MEI1: variants seen among roughly 807,000 people sequenced by gnomAD.
MEI1 encodes meiotic double-stranded break formation protein 1, also known as meiosis inhibitor protein 1.
Under a neutral mutation model 146.2 loss-of-function variants are expected in MEI1, and 103 were observed. The observed-to-expected ratio is 0.70, with a 90% CI of 0.60 to 0.83. The LOEUF (loss-of-function observed/expected upper bound fraction) is 0.83, where lower values mean the gene tolerates loss of function less well. MEI1 is among the 40% of genes least tolerant of loss of function. MEI1 has a pLI of 0.00. For missense variants in MEI1, 1,529 were observed against 1,533.0 expected (o/e 1.00, Z 0.04); for synonymous variants, 652 against 628.2 (o/e 1.04, Z -0.57).
At chr22:41,719,920 T>A (rs990895628) in intron 6 of MEI1, among the ~76,000 whole-genome samples, 3 of 152,192 alleles carry the variant, frequency 2.0e-5, no homozygotes, top group Non-Finnish European at 2.9e-5. Flanking sequence ...TGACAGCAGC[T>A]TCTTTTCAAA....
At chr22:41,750,250 G>A (rs2073657075) in intron 15 of MEI1, among the ~76,000 whole-genome samples, 1 of 152,174 alleles carries the variant, frequency 6.6e-6, no homozygotes, top group African/African-American at 2.4e-5. Context: ...GTCAGGAGGA[G>A]GAGAGGTACG....
At position 41,712,672 on chromosome 22, in the gene MEI1, A is replaced by ATGTGTGTGTGTGTGTGTG. The variant is rs140926503; in HGVS notation, c.350-1317_350-1300dup. On this transcript the variant is annotated intron_variant, in intron 3 of 30. Coordinates refer to ENST00000401548, the MANE Select transcript of MEI1 (RefSeq NM_152513.4). ...TTTAAGTATATTTAAATAGAAATAG[A>ATGTGTGTGTGTGTGTGTG]TGTGTGTGTGTGTGTGTGTGTGTGT... Among the ~76,000 whole-genome samples, 256 of 147,080 alleles carry ATGTGTGTGTGTGTGTGTG rather than the reference A, an allele frequency of 1.7e-3. 1 individual carries two copies. The highest frequency in any genetic ancestry group is 0.013 in the Admixed American group (186 of 14,708).
chr22:41,793,063 T>TTTTTTTTTTTC (rs1569336429), intron 26 of MEI1, among the ~76,000 whole-genome samples: 1 of 118,568 alleles, frequency 8.4e-6, no homozygotes, highest in Admixed American at 1.0e-4. Flanking sequence ...TTTTTTTTTT[T>TTTTTTTTTTTC]CAGATAGAGT....
At chr22:41,777,617 A>G (rs1189692025) in intron 21 of MEI1, among the ~76,000 whole-genome samples, 1 of 152,164 alleles carries the variant, frequency 6.6e-6, no homozygotes, top group African/African-American at 2.4e-5. Flanking sequence ...GAACCTTAAG[A>G]TGTAGTGGAA....
chr22:41,739,403 A>C (rs1376722980), intron 11 of MEI1, among the ~76,000 whole-genome samples: 1 of 151,752 alleles, frequency 6.6e-6, no homozygotes, highest in East Asian at 1.9e-4. Context: ...CAGCACCCCA[A>C]CTCTTCTTTT....
At chr22:41,736,794 G>T (rs1379492047) in intron 11 of MEI1, among the ~76,000 whole-genome samples, 1 of 152,118 alleles carries the variant, frequency 6.6e-6, no homozygotes, top group Non-Finnish European at 1.5e-5. Flanking sequence ...AAACTTTACT[G>T]TAGAAAATAA....
chr22:41,725,121 A>T (rs12159188), intron 7 of MEI1, among the ~76,000 whole-genome samples: 110,050 of 150,144 alleles, frequency 0.73, 40,903 homozygotes, highest in East Asian at 0.91. Flanking sequence ...AATTATTATT[A>T]TTTTTTTTTT....
chr22:41,748,951 C>T (rs1430937011), intron 15 of MEI1, among the ~76,000 whole-genome samples: 4 of 152,046 alleles, frequency 2.6e-5, no homozygotes, highest in African/African-American at 9.7e-5. Flanking sequence ...TACAGGCGCC[C>T]GCCACCACGC....
chr22:41,771,062 C>T (rs2075154786), intron 20 of MEI1, 101 bp downstream of exon 20: 1 of 1,307,548 alleles, frequency 7.6e-7, no homozygotes, highest in East Asian at 2.3e-5. Context: ...CTGCTTCAGC[C>T]CACCTCCAGA....
intron 6 of MEI1, among the ~76,000 whole-genome samples, chr22:41,720,249 G>A (rs919902895): frequency 3.3e-5 from 5 of 152,126 alleles, no homozygotes; most frequent in African/African-American, 1.2e-4. Context: ...GAGGTATGAA[G>A]CAGCCTGTAT....
chr22:41,736,645 T>C (rs1001103627), intron 11 of MEI1, among the ~76,000 whole-genome samples: 2 of 152,110 alleles, frequency 1.3e-5, no homozygotes, highest in East Asian at 3.8e-4. Context: ...TCCTCCCACT[T>C]TGACCTCTCA....
At chr22:41,748,794 T>G (rs922865419) in intron 15 of MEI1, among the ~76,000 whole-genome samples, 2 of 151,966 alleles carry the variant, frequency 1.3e-5, no homozygotes, top group Non-Finnish European at 2.9e-5. Context: ...GGAATCTGAC[T>G]GTAGAACATG....
intron 11 of MEI1, 127 bp from the exon 12 acceptor site, chr22:41,742,953 G>A (rs994118408): frequency 6.3e-6 from 4 of 639,838 alleles, no homozygotes; most frequent in Admixed American, 2.4e-5. Context: ...CCTGGAGTAA[G>A]GATTTTTATC....
chr22:41,748,453 A>G (rs933635016), intron 15 of MEI1, among the ~76,000 whole-genome samples: 6 of 152,246 alleles, frequency 3.9e-5, no homozygotes, highest in Non-Finnish European at 8.8e-5. Flanking sequence ...GGAGACCAAG[A>G]TGGGAGGATC....
intron 18 of MEI1, among the ~76,000 whole-genome samples, chr22:41,760,170 CGTG>C (rs943281025): frequency 5.9e-5 from 9 of 151,928 alleles, no homozygotes; most frequent in Admixed American, 2.6e-4. Context: ...ATTAGCCGGG[CGTG>C]GTGGTGGGTG....
chr22:41,766,565 G>A (rs770221803), intron 19 of MEI1, among the ~76,000 whole-genome samples: 7 of 150,954 alleles, frequency 4.6e-5, no homozygotes, highest in Non-Finnish European at 1.0e-4. Flanking sequence ...ATTATTTTTC[G>A]AGACAGGGTC....
At chr22:41,736,924 A>G (rs1479301151) in intron 11 of MEI1, among the ~76,000 whole-genome samples, 3 of 152,122 alleles carry the variant, frequency 2.0e-5, no homozygotes, top group Non-Finnish European at 4.4e-5. Context: ...AGAACCTTCA[A>G]TCTCAATTTG....
chr22:41,751,447 C>G (rs1028521086), intron 15 of MEI1, among the ~76,000 whole-genome samples: 1 of 143,730 alleles, frequency 7.0e-6, no homozygotes, highest in South Asian at 2.1e-4. Flanking sequence ...CTGGGAGGAG[C>G]CAGCAGCACA....
At chr22:41,752,837 G>A (rs1432197454) in intron 16 of MEI1, among the ~76,000 whole-genome samples, 186 bp downstream of exon 16, 1 of 152,154 alleles carries the variant, frequency 6.6e-6, no homozygotes, top group Non-Finnish European at 1.5e-5. Context: ...TGAATCTAAC[G>A]TGGTAAGGAT....
Sources: gnomAD v4.1 joint callset for allele counts (sites outside exome capture counted in the v4.1 genomes callset) on GRCh38, gnomAD v4.1.1 for gene constraint, MANE v1.5 for transcripts, NCBI Gene and HGNC (gene_info 2026-07-23, HGNC 2026-07-21) for gene names.